The following KMT2E variants were observed in gnomAD, a reference collection of about 807,000 sequenced individuals.
KMT2E encodes lysine methyltransferase 2E (inactive), also known as histone reader KMT2E.
In KMT2E, 30 loss-of-function variants were observed where a neutral mutation model predicts 184.6. The ratio of observed to expected loss-of-function variants is 0.16; its 90% CI spans 0.12 to 0.22. The LOEUF is 0.22. Among genes scored for constraint, KMT2E ranks in the 10% least tolerant of loss-of-function variants. The pLI, the probability that KMT2E is intolerant of heterozygous loss-of-function variation, is 1.00. For synonymous variants in KMT2E, 815 were observed against 776.5 expected (o/e 1.05, Z -0.82); for missense variants, 2,023 against 2,237.4 (o/e 0.90, Z 1.93).
intron 1 of KMT2E, among the ~76,000 whole-genome samples, chr7:105,022,359 T>C (rs1270134025): frequency 6.6e-6 from 1 of 152,178 alleles, no homozygotes; most frequent in Non-Finnish European, 1.5e-5. Context: ...GGAAGGCTTA[T>C]TATTTATATA....
At position 105,050,665 on chromosome 7, in the gene KMT2E, T is replaced by TTTTCTTTCTTTCTTTCTTTC. The variant is rs557700509; in HGVS notation, c.71+9648_71+9667dup. ...TTTCTTTTTTCTTTCTTTCTTTCTT[T>TTTTCTTTCTTTCTTTCTTTC]TTTCTTTCTTTCTTTCTTTCTTTCT... On this transcript the variant is annotated intron_variant, in intron 3 of 26. Coordinates refer to ENST00000311117, the MANE Select transcript of KMT2E (RefSeq NM_182931.3). 2.6e-4 allele frequency among the ~76,000 whole-genome samples: 38 copies of TTTTCTTTCTTTCTTTCTTTC among 147,518 alleles called. 1 individual carries two copies. In the East Asian group the frequency reaches 4.7e-3, roughly 18 times the overall value.
intron 22 of KMT2E, chr7:105,108,626 C>T: frequency 2.2e-6 from 1 of 462,050 alleles, no homozygotes; most frequent in Non-Finnish European, 4.3e-6. Flanking sequence ...GTTCGAATCC[C>T]GGCTCCAACA....
chr7:105,050,539 CT>C lies in KMT2E; in HGVS notation c.71+9518del, dbSNP rs202084139. Among the ~76,000 whole-genome samples, 13 of 152,280 alleles carry C rather than the reference CT, an allele frequency of 8.5e-5. 1 individual carries two copies. The East Asian group carries it at 2.3e-3, about 27-fold the overall frequency. On this transcript the variant is annotated intron_variant, in intron 3 of 26. Coordinates refer to ENST00000311117, the MANE Select transcript of KMT2E (RefSeq NM_182931.3). ...CAGACTTGTATACCCAAGTTGACAG[CT>C]TCACTTGGAATTCTTGATGTTCTTC... is the stretch of plus-strand genomic sequence containing the variant.
In KMT2E at chr7:105,067,587, T is replaced by C. The variant is rs570691058; in HGVS notation, c.497+780T>C. ...GTTGTTTTAAGGCAAATCCCAGATA[T>C]CGTATTATTTCATCCATGTATATTT... On this transcript the variant is annotated intron_variant, in intron 6 of 26. Coordinates refer to ENST00000311117, the MANE Select transcript of KMT2E (RefSeq NM_182931.3). Among the ~76,000 whole-genome samples the C allele has an allele frequency of 5.3e-5, 8 of 152,310 alleles. No homozygotes were observed. The South Asian group carries it at 8.3e-4, about 16-fold the overall frequency.
intron 24 of KMT2E, 33 bp downstream of exon 24, chr7:105,110,401 A>C (rs780982288): frequency 6.2e-7 from 1 of 1,613,816 alleles, no homozygotes; most frequent in Admixed American, 1.7e-5. Context: ...CAGAAAGTGG[A>C]ATCAGTTAAT....
intron 3 of KMT2E, among the ~76,000 whole-genome samples, chr7:105,054,395 AG>A (rs1796476008): frequency 6.6e-6 from 1 of 152,088 alleles, no homozygotes; most frequent in African/African-American, 2.4e-5. Context: ...AAGGAACTCA[AG>A]GAAAAAAAAA....
At chr7:105,088,505 A>T (rs1056427056) in intron 13 of KMT2E, among the ~76,000 whole-genome samples, 3 of 152,232 alleles carry the variant, frequency 2.0e-5, no homozygotes, top group African/African-American at 7.2e-5. Context: ...AATTGTTCTT[A>T]TTGTGAACAA....
At chr7:105,033,423 A>G (rs1795505248) in intron 1 of KMT2E, among the ~76,000 whole-genome samples, 1 of 152,240 alleles carries the variant, frequency 6.6e-6, no homozygotes. Context: ...TAGTGTTGCT[A>G]TAACAGAATA....
intron 23 of KMT2E, 122 bp from the exon 24 acceptor site, chr7:105,110,158 C>CCTTTG (rs1438358934): frequency 1.0e-5 from 8 of 787,600 alleles, no homozygotes; most frequent in Non-Finnish European, 1.5e-5. Flanking sequence ...CAAAGGTTAA[C>CCTTTG]ACCAAAGTAT....
At chr7:105,105,293 T>C in intron 17 of KMT2E, 146 bp from the exon 18 acceptor site, 1 of 515,608 alleles carries the variant, frequency 1.9e-6, no homozygotes, top group Non-Finnish European at 3.3e-6. Context: ...TAAAAGGACA[T>C]ACTGATATTT....
At chr7:105,030,090 A>G (rs1408544552) in intron 1 of KMT2E, among the ~76,000 whole-genome samples, 6 of 152,190 alleles carry the variant, frequency 3.9e-5, no homozygotes, top group South Asian at 2.1e-4. Flanking sequence ...TACATTTAGC[A>G]GCTGTTCTAG....
chr7:105,036,481 T>G (rs970903966), intron 1 of KMT2E, among the ~76,000 whole-genome samples: 3 of 152,186 alleles, frequency 2.0e-5, no homozygotes, highest in African/African-American at 7.2e-5. Flanking sequence ...CTGGCAGTTT[T>G]TAATTTCAGG....
intron 23 of KMT2E, 75 bp downstream of exon 23, chr7:105,109,303 C>G (rs1799070058): frequency 6.9e-7 from 1 of 1,453,152 alleles, no homozygotes; most frequent in Admixed American, 2.0e-5. Flanking sequence ...TTGTTGTTCT[C>G]CCAAGGCTAA....
At chr7:105,024,951 G>A (rs1196187396) in intron 1 of KMT2E, among the ~76,000 whole-genome samples, 1 of 152,056 alleles carries the variant, frequency 6.6e-6, no homozygotes, top group Non-Finnish European at 1.5e-5. Context: ...TGGATAAGGA[G>A]CTTGAATTAA....
chr7:105,034,910 CAG>C (rs1329073076), intron 1 of KMT2E, among the ~76,000 whole-genome samples: 1 of 151,876 alleles, frequency 6.6e-6, no homozygotes, highest in Non-Finnish European at 1.5e-5. Flanking sequence ...GTCTGGAGTG[CAG>C]TGGTGCAATC....
At chr7:105,019,868 A>T (rs1794874920) in intron 1 of KMT2E, among the ~76,000 whole-genome samples, 1 of 152,156 alleles carries the variant, frequency 6.6e-6, no homozygotes, top group South Asian at 2.1e-4. Flanking sequence ...CTACTTTGGG[A>T]GGCCGAGGCA....
intron 3 of KMT2E, among the ~76,000 whole-genome samples, chr7:105,049,626 C>T (rs768624239): frequency 6.6e-6 from 1 of 152,042 alleles, no homozygotes; most frequent in Non-Finnish European, 1.5e-5. Context: ...CGCGGTGGCT[C>T]ACGCCTGTAA....
At chr7:105,098,582 T>C (rs1389281414) in intron 15 of KMT2E, among the ~76,000 whole-genome samples, 1 of 152,134 alleles carries the variant, frequency 6.6e-6, no homozygotes, top group Non-Finnish European at 1.5e-5. Flanking sequence ...TTTGTTTTTT[T>C]AGTAAAGACA....
At chr7:105,110,024 G>A (rs190173182) in intron 23 of KMT2E, among the ~76,000 whole-genome samples, 2 of 151,886 alleles carry the variant, frequency 1.3e-5, no homozygotes, top group Admixed American at 1.3e-4. Context: ...TAGTAGAGAC[G>A]GGGTTTCACC....
Sources: allele counts gnomAD v4.1 joint callset (sites outside exome capture counted in the v4.1 genomes callset), GRCh38; gene constraint gnomAD v4.1.1; transcripts MANE v1.5; gene names NCBI Gene and HGNC (gene_info 2026-07-23, HGNC 2026-07-21).